SPATA17: variants seen among roughly 807,000 people sequenced by gnomAD.
SPATA17 encodes spermatogenesis-associated protein 17.
Under a neutral mutation model 62.2 loss-of-function variants are expected in SPATA17, and 53 were observed. The observed-to-expected ratio is 0.85, with a 90% CI of 0.68 to 1.07. SPATA17 has a LOEUF of 1.07. SPATA17 is among the 50% of genes least tolerant of loss of function. SPATA17 has a pLI of 0.00. For synonymous variants in SPATA17, 146 were observed against 146.8 expected (o/e 0.99, Z 0.04); for missense variants, 466 against 425.5 (o/e 1.10, Z -0.84).
At chr1:217,816,991 C>A (rs934085340) in intron 9 of SPATA17, among the ~76,000 whole-genome samples, 1 of 151,902 alleles carries the variant, frequency 6.6e-6, no homozygotes, top group South Asian at 2.1e-4. Flanking sequence ...GTTTTTACTT[C>A]CTTTGGGTTC....
intron 5 of SPATA17, among the ~76,000 whole-genome samples, chr1:217,684,139 A>G (rs1437834696): frequency 6.6e-6 from 1 of 152,204 alleles, no homozygotes; most frequent in Non-Finnish European, 1.5e-5. Context: ...AGGATAGGAC[A>G]TAGATTTAGG....
chr1:217,707,913 G>A (rs374730126), intron 5 of SPATA17, among the ~76,000 whole-genome samples: 5 of 152,182 alleles, frequency 3.3e-5, no homozygotes, highest in Admixed American at 6.5e-5. Flanking sequence ...CCTCAAAAAC[G>A]TACAATTACA....
In SPATA17 at chr1:217,824,050, T is replaced by A. The variant is rs550662948; in HGVS notation, c.1005+22200T>A. 2.6e-5 allele frequency among the ~76,000 whole-genome samples: 4 copies of A among 152,114 alleles called. No individual in the cohort carries two copies. In the South Asian group the frequency reaches 8.3e-4, roughly 32 times the overall value. On this transcript the variant is annotated intron_variant, in intron 9 of 10. Transcript: ENST00000366933. ...GTTGTAGGCAGCATATAGTTGGGTC[T>A]CTTTTTTAAAATCCATTCAGCCACT...
chr1:217,736,313 C>T (rs6704309), intron 5 of SPATA17, among the ~76,000 whole-genome samples: 69,643 of 151,922 alleles, frequency 0.46, 17,469 homozygotes, highest in Non-Finnish European at 0.58. Context: ...GTAGTCTTTT[C>T]AAAATGTTTG....
At chr1:217,751,588 T>C (rs1237207975) in intron 6 of SPATA17, among the ~76,000 whole-genome samples, 1 of 152,226 alleles carries the variant, frequency 6.6e-6, no homozygotes, top group Non-Finnish European at 1.5e-5. Context: ...CTCTTTAACA[T>C]TGTAGTTTTT....
intron 1 of SPATA17, among the ~76,000 whole-genome samples, chr1:217,645,679 T>A (rs1017279235): frequency 1.6e-4 from 25 of 152,348 alleles, no homozygotes; most frequent in African/African-American, 4.6e-4. Flanking sequence ...TTCCACATTC[T>A]ATCTTCTTTG....
intron 5 of SPATA17, among the ~76,000 whole-genome samples, chr1:217,703,255 C>T (rs1671646143): frequency 6.6e-6 from 1 of 150,438 alleles, no homozygotes; most frequent in African/African-American, 2.5e-5. Flanking sequence ...ACTGCAACCT[C>T]TAACCCCCAG....
rs921589580 is a variant in SPATA17 at position 217,795,406 on chromosome 1, G to T, written c.873-6312G>T. Reference sequence around the variant, plus strand: ...TTTTTTCGAGACAGAGTCTTGCTCTGTCGCCCAGGCTGGGGTGCAGTGGTG... The same window carrying T: ...TTTTTTCGAGACAGAGTCTTGCTCTTTCGCCCAGGCTGGGGTGCAGTGGTG... On this transcript the variant is annotated intron_variant, in intron 8 of 10. Transcript: ENST00000366933. Among the ~76,000 whole-genome samples, 6 of 114,464 alleles carry T rather than the reference G, an allele frequency of 5.2e-5. No homozygotes were observed. The South Asian group carries it at 1.7e-3, about 32-fold the overall frequency. The allele number at this position is 114,464 out of a possible 152,430, so 75.1% of individuals were successfully genotyped here.
chr1:217,651,746 G>A (rs543487982), intron 3 of SPATA17, among the ~76,000 whole-genome samples: 50 of 152,086 alleles, frequency 3.3e-4, no homozygotes, highest in African/African-American at 1.0e-3. Context: ...TGGTTATATC[G>A]CATGATTAAT....
intron 9 of SPATA17, among the ~76,000 whole-genome samples, chr1:217,825,231 G>T (rs1005772706): frequency 5.3e-5 from 8 of 151,348 alleles, no homozygotes; most frequent in East Asian, 3.9e-4. Flanking sequence ...CAGAAAAGGT[G>T]GAATCAATAA....
chr1:217,717,253 T>A (rs1672025515), intron 5 of SPATA17, among the ~76,000 whole-genome samples: 1 of 152,148 alleles, frequency 6.6e-6, no homozygotes, highest in Non-Finnish European at 1.5e-5. Flanking sequence ...TAGAAGGATA[T>A]TAAAAGAAAC....
chr1:217,724,188 T>G (rs961057917), intron 5 of SPATA17, among the ~76,000 whole-genome samples: 3 of 152,246 alleles, frequency 2.0e-5, no homozygotes, highest in African/African-American at 7.2e-5. Context: ...TCTATATTAA[T>G]GGACATTTAA....
At chr1:217,712,974 C>A (rs966366222) in intron 5 of SPATA17, among the ~76,000 whole-genome samples, 1 of 152,142 alleles carries the variant, frequency 6.6e-6, no homozygotes, top group African/African-American at 2.4e-5. Context: ...GGCAATGCAG[C>A]TATTGCCAGA....
chr1:217,647,563 C>T (rs1036236862), intron 1 of SPATA17, among the ~76,000 whole-genome samples: 1 of 151,982 alleles, frequency 6.6e-6, no homozygotes, highest in African/African-American at 2.4e-5. Context: ...ATGATTGTGG[C>T]AAATATTATG....
In SPATA17 at chr1:217,842,116, A is replaced by G. The variant is rs568423844; in HGVS notation, c.1006-20658A>G. Among the ~76,000 whole-genome samples the G allele has an allele frequency of 3.3e-5, 5 of 152,002 alleles. No homozygotes were observed. The South Asian group carries it at 6.2e-4, about 19-fold the overall frequency. On this transcript the variant is annotated intron_variant, in intron 9 of 10. Transcript: ENST00000366933. ...TTACTTTTTTATTCTGTTATAGTGA[A>G]TTATGCTGTTTTTTTAAATTACTCA...
At chr1:217,708,861 T>C (rs1671795607) in intron 5 of SPATA17, among the ~76,000 whole-genome samples, 1 of 152,064 alleles carries the variant, frequency 6.6e-6, no homozygotes, top group Non-Finnish European at 1.5e-5. Flanking sequence ...ATCCCTGGGA[T>C]GCAAGGTAGG....
chr1:217,734,874 G>T (rs149438900), intron 5 of SPATA17, among the ~76,000 whole-genome samples: 15 of 152,120 alleles, frequency 9.9e-5, no homozygotes, highest in Non-Finnish European at 1.9e-4. Flanking sequence ...GTCTGAGGTG[G>T]GGTCTGAGAA....
At chr1:217,675,258 G>T (rs1670921472) in intron 4 of SPATA17, among the ~76,000 whole-genome samples, 1 of 152,072 alleles carries the variant, frequency 6.6e-6, no homozygotes, top group African/African-American at 2.4e-5. Context: ...TTCCTAAATG[G>T]GATATAACAC....
chr1:217,667,316 G>A (rs1054770953), intron 3 of SPATA17, among the ~76,000 whole-genome samples: 2 of 151,722 alleles, frequency 1.3e-5, no homozygotes, highest in Non-Finnish European at 2.9e-5. Flanking sequence ...CAAAGTGCTG[G>A]GATTACAGGC....
Sources: gnomAD v4.1 joint callset for allele counts (sites outside exome capture counted in the v4.1 genomes callset) on GRCh38, gnomAD v4.1.1 for gene constraint, MANE v1.5 for transcripts, NCBI Gene and HGNC (gene_info 2026-07-23, HGNC 2026-07-21) for gene names.